TPD52: variants seen among roughly 807,000 people sequenced by gnomAD.
The protein encoded by TPD52 is prostate and colon associated protein.
In TPD52, 17 loss-of-function variants were observed where a neutral mutation model predicts 31.3. The observed-to-expected ratio is 0.54, with a 90% CI of 0.37 to 0.82. The LOEUF is 0.82. Among genes scored for constraint, TPD52 ranks in the 40% least tolerant of loss-of-function variants. The probability of loss-of-function intolerance (pLI) is 0.00; values close to 1 mark genes in which losing one functional copy is unlikely to be tolerated. For synonymous variants in TPD52, 83 were observed against 89.6 expected (o/e 0.93, Z 0.42); for missense variants, 212 against 240.1 (o/e 0.88, Z 0.77).
At chr8:80,139,791 C>T (rs533708009) in intron 1 of TPD52, among the ~76,000 whole-genome samples, 24 of 152,198 alleles carry the variant, frequency 1.6e-4, no homozygotes, top group Admixed American at 3.9e-4. Flanking sequence ...AATACAACGG[C>T]GTTTTTCAAT....
rs1369542894 is a variant in TPD52 at position 80,035,324 on chromosome 8, T to G, written c.*2792A>C. Reference sequence around the variant, plus strand: ...CAAACATCATTCTGACAAATGACCTTAATGTAGGATCTCTTTGGACACATC... The same window carrying G: ...CAAACATCATTCTGACAAATGACCTGAATGTAGGATCTCTTTGGACACATC... On this transcript the variant is annotated 3_prime_UTR_variant, in exon 8 of 8. Coordinates refer to ENST00000518937, the MANE Select transcript of TPD52 (RefSeq NM_001025253.3). 2 of 152,200 alleles carry G rather than the reference T, an allele frequency of 1.3e-5. No homozygotes were observed. The highest frequency in any genetic ancestry group is 3.8e-4 in the East Asian group (2 of 5,206). The allele number at this position is 152,200 out of a possible 1,614,324, so 9.4% of individuals were successfully genotyped here.
chr8:80,050,238 A>G (rs556323240), intron 5 of TPD52: 9 of 421,342 alleles, frequency 2.1e-5, no homozygotes, highest in South Asian at 8.0e-5. Flanking sequence ...CCACAGTGTC[A>G]AATACTTCTT....
At chr8:80,077,673 A>G (rs556368286) in intron 1 of TPD52, among the ~76,000 whole-genome samples, 2 of 152,342 alleles carry the variant, frequency 1.3e-5, no homozygotes, top group African/African-American at 2.4e-5. Flanking sequence ...AGAACATCAC[A>G]TATGTCTCTC....
intron 1 of TPD52, among the ~76,000 whole-genome samples, chr8:80,084,334 G>C (rs563353515): frequency 2.2e-3 from 332 of 152,332 alleles, no homozygotes; most frequent in Middle Eastern, 3.4e-3. Flanking sequence ...TGTTCACAGG[G>C]ACTGGCCTAA....
chr8:80,086,924 G>A (rs1442201098), intron 1 of TPD52, among the ~76,000 whole-genome samples: 2 of 142,620 alleles, frequency 1.4e-5, no homozygotes, highest in African/African-American at 2.6e-5. Flanking sequence ...ATTTACTGAC[G>A]TTGACAACTG....
chr8:80,139,289 T>C (rs977207511), intron 1 of TPD52, among the ~76,000 whole-genome samples: 2 of 152,210 alleles, frequency 1.3e-5, no homozygotes, highest in East Asian at 3.8e-4. Context: ...ACTATTTTTT[T>C]ATAAAGAGTA....
intron 1 of TPD52, among the ~76,000 whole-genome samples, chr8:80,132,131 G>A (rs939708662): frequency 6.6e-6 from 1 of 151,438 alleles, no homozygotes; most frequent in African/African-American, 2.4e-5. Flanking sequence ...CTGGGCTCAT[G>A]CAATCCTCCC....
At chr8:80,113,878 T>C (rs1807678265) in intron 1 of TPD52, among the ~76,000 whole-genome samples, 1 of 152,192 alleles carries the variant, frequency 6.6e-6, no homozygotes, top group Admixed American at 6.5e-5. Context: ...ACACATTGTA[T>C]CCCGATATCA....
intron 1 of TPD52, among the ~76,000 whole-genome samples, chr8:80,099,375 C>T (rs1806561243): frequency 6.6e-6 from 1 of 152,098 alleles, no homozygotes; most frequent in African/African-American, 2.4e-5. Flanking sequence ...AACAAACAAA[C>T]AAACAAAAAA....
At chr8:80,154,706 TACACACACACAC>T (rs36076685) in intron 1 of TPD52, among the ~76,000 whole-genome samples, 28 of 77,706 alleles carry the variant, frequency 3.6e-4, no homozygotes, top group South Asian at 1.5e-3. Flanking sequence ...AATCATGACA[TACACACACACAC>T]ACACACACAC....
chr8:80,084,761 C>A (rs1815603557), intron 1 of TPD52, among the ~76,000 whole-genome samples: 1 of 152,188 alleles, frequency 6.6e-6, no homozygotes, highest in South Asian at 2.1e-4. Flanking sequence ...TTGTTGAACA[C>A]ATCCTAAACT....
chr8:80,052,989 C>A, intron 3 of TPD52: 1 of 266,570 alleles, frequency 3.8e-6, no homozygotes, highest in Non-Finnish European at 7.2e-6. Context: ...ATTCTGAGTA[C>A]TAAAGGACAA....
chr8:80,065,649 T>A (rs969694014), intron 1 of TPD52, among the ~76,000 whole-genome samples: 7 of 152,082 alleles, frequency 4.6e-5, no homozygotes, highest in African/African-American at 1.7e-4. Flanking sequence ...GAACCCATGA[T>A]GAACAAAAAT....
At chr8:80,069,170 T>C (rs1170964089) in intron 1 of TPD52, among the ~76,000 whole-genome samples, 4 of 152,180 alleles carry the variant, frequency 2.6e-5, no homozygotes, top group Non-Finnish European at 4.4e-5. Context: ...CTTCAATAAA[T>C]GTAAAAATTT....
intron 1 of TPD52, among the ~76,000 whole-genome samples, chr8:80,128,347 G>A (rs1465250756): frequency 2.0e-5 from 3 of 151,784 alleles, no homozygotes; most frequent in Non-Finnish European, 4.4e-5. Context: ...TGTCTATCTT[G>A]AGTGAATAGA....
intron 1 of TPD52, among the ~76,000 whole-genome samples, chr8:80,079,156 AG>A (rs1814939802): frequency 6.6e-6 from 1 of 152,166 alleles, no homozygotes; most frequent in Non-Finnish European, 1.5e-5. Context: ...ATAAGTTAGA[AG>A]GGGGCTGGGC....
At chr8:80,121,629 C>T (rs1808265351) in intron 1 of TPD52, among the ~76,000 whole-genome samples, 1 of 152,210 alleles carries the variant, frequency 6.6e-6, no homozygotes, top group Non-Finnish European at 1.5e-5. Flanking sequence ...TCCCACTAAA[C>T]TCTGTACATC....
In TPD52 at chr8:80,171,405, C is replaced by T. The variant is rs201585864; in HGVS notation, c.19+20G>A. On this transcript the variant is annotated intron_variant, in intron 1 of 7. Coordinates refer to ENST00000518937, the MANE Select transcript of TPD52 (RefSeq NM_001025253.3). ...CCGAGTCCAAGCCCGAGCCCAAGCC[C>T]GCTGGGTCCGCGCCCTCACCTTGCT... 3.9e-4 allele frequency: 622 copies of T among 1,596,450 alleles called. 12 individuals are homozygous for T. In the East Asian group the frequency reaches 0.014, roughly 36 times the overall value.
At chr8:80,127,783 AATAAACACAC>A (rs1288741422) in intron 1 of TPD52, 121 of 134,686 alleles carry the variant, frequency 9.0e-4, no homozygotes, top group Non-Finnish European at 1.6e-3. Flanking sequence ...GTGATTTCTA[AATAAACACAC>A]ACACACACAC....
Sources: gnomAD v4.1 joint callset for allele counts (sites outside exome capture counted in the v4.1 genomes callset) on GRCh38, gnomAD v4.1.1 for gene constraint, MANE v1.5 for transcripts, NCBI Gene and HGNC (gene_info 2026-07-23, HGNC 2026-07-21) for gene names.